GMEB2: variants seen among roughly 807,000 people sequenced by gnomAD.
GMEB2 encodes the protein glucocorticoid modulatory element-binding protein 2.
A neutral mutation model predicts 45.7 loss-of-function variants in GMEB2; 7 were observed. The observed-to-expected ratio is 0.15, with a 90% CI of 0.09 to 0.29. The LOEUF (loss-of-function observed/expected upper bound fraction) is 0.29. Among genes scored for constraint, GMEB2 ranks in the 10% least tolerant of loss-of-function variants. The probability of loss-of-function intolerance (pLI) is 1.00; values close to 1 mark genes in which losing one functional copy is unlikely to be tolerated. For missense variants in GMEB2, 582 were observed against 739.2 expected (o/e 0.79, Z 2.47); for synonymous variants, 322 against 323.6 (o/e 1.00, Z 0.05).
intron 2 of GMEB2, among the ~76,000 whole-genome samples, chr20:63,605,565 G>A (rs1346624283): frequency 4.0e-5 from 6 of 151,192 alleles, no homozygotes; most frequent in African/African-American, 7.3e-5. Flanking sequence ...AGGCTGCGCA[G>A]GTCTGAGCAC....
chr20:63,598,375 C>T (rs969199679), intron 4 of GMEB2, among the ~76,000 whole-genome samples: 11 of 151,704 alleles, frequency 7.3e-5, no homozygotes, highest in Non-Finnish European at 1.5e-4. Context: ...CACACACACT[C>T]ATCTGTTTCT....
intron 2 of GMEB2, among the ~76,000 whole-genome samples, chr20:63,614,160 C>G (rs2089590931): frequency 6.6e-6 from 1 of 152,068 alleles, no homozygotes; most frequent in Non-Finnish European, 1.5e-5. Flanking sequence ...AATAGTTATA[C>G]TAGATATAGA....
intron 4 of GMEB2, among the ~76,000 whole-genome samples, chr20:63,599,141 A>G (rs950786427): frequency 2.0e-5 from 3 of 151,978 alleles, no homozygotes; most frequent in Non-Finnish European, 4.4e-5. Flanking sequence ...CCCCAGAGCT[A>G]ACGCAGCCGC....
Position 63,589,555 on chromosome 20 carries a change from A to G in GMEB2, c.*534T>C, listed in dbSNP as rs1600999512. 1.5e-5 allele frequency: 3 copies of G among 205,982 alleles called. No homozygotes were observed. In the East Asian group the frequency reaches 3.1e-4, roughly 21 times the overall value. 12.8% of individuals were successfully genotyped at this position (205,982 alleles called of 1,614,324 possible). ...TGGAGGAGAACGGGGCGCCAGCCAC[A>G]CTAAACCTACAGAAAACTGTGGGAA... On this transcript the variant is annotated 3_prime_UTR_variant, in exon 10 of 10. Transcript: ENST00000370077.
intron 5 of GMEB2, among the ~76,000 whole-genome samples, chr20:63,596,243 G>A (rs758806871): frequency 6.6e-6 from 1 of 152,244 alleles, no homozygotes; most frequent in Non-Finnish European, 1.5e-5. Context: ...TGAGGGCGCA[G>A]GACAGCACCA....
Position 63,619,228 on chromosome 20 carries a change from G to GC in GMEB2, c.131+38dup, listed in dbSNP as rs533813025. 4.6e-5 allele frequency: 71 copies of GC among 1,538,026 alleles called. No homozygotes were observed. The South Asian group carries it at 7.8e-4, about 17-fold the overall frequency. ...CTGTGCCAAGGACAGCCCAACCCAAGCCCCCATCAGCCCCAATGGCACCGA... is the reference window on the plus strand; with the variant it reads ...CTGTGCCAAGGACAGCCCAACCCAAGCCCCCCATCAGCCCCAATGGCACCGA... On this transcript the variant is annotated intron_variant, in intron 2 of 9. Transcript: ENST00000370077. The surrounding 1 kb of genome is among the most constrained non-coding windows in gnomAD (Gnocchi z 4.6).
At chr20:63,620,311 GAC>G (rs1491422447) in intron 1 of GMEB2, among the ~76,000 whole-genome samples, 1 of 145,746 alleles carries the variant, frequency 6.9e-6, no homozygotes, top group East Asian at 2.6e-4. Flanking sequence ...AAAGCTTGGA[GAC>G]AGGGGAATCT....
intron 2 of GMEB2, among the ~76,000 whole-genome samples, chr20:63,617,068 G>A (rs927953611): frequency 1.3e-5 from 2 of 151,212 alleles, no homozygotes; most frequent in Admixed American, 1.3e-4. Context: ...TCCAACTCCT[G>A]GGCTCAGGTG....
chr20:63,603,212 A>G (rs2083254000), intron 3 of GMEB2, 120 bp from the exon 4 acceptor site: 17 of 1,170,088 alleles, frequency 1.5e-5, no homozygotes, highest in Non-Finnish European at 2.1e-5. Context: ...ATTAAAATCC[A>G]GGAAGGCCTG....
At position 63,590,231 on chromosome 20, in the gene GMEB2, C is replaced by T; in HGVS notation, c.1451G>A (p.Gly484Asp). ...CTGGGCCACGTTCTGCAGGGTGGGG[C>T]CCAGGCCAGGCAACGTGAGCAGCTG... ...PLQLLTLPGL[G>D]PTLQNVAQAS... Residue 484 changes from glycine to aspartate, a missense_variant, in exon 10 of 10, where the codon GGC becomes GAC. Gly to Asp is a moderately conservative substitution (Grantham distance 94). Transcript: ENST00000370077. The T allele has an allele frequency of 6.2e-7, 1 of 1,610,864 alleles. No individual in the cohort carries two copies. The highest frequency in any genetic ancestry group is 8.5e-7 in the Non-Finnish European group (1 of 1,179,654).
At chr20:63,620,207 G>A (rs1030874487) in intron 1 of GMEB2, among the ~76,000 whole-genome samples, 3 of 152,194 alleles carry the variant, frequency 2.0e-5, no homozygotes, top group African/African-American at 7.2e-5. Flanking sequence ...CCTGCCCCGG[G>A]TTTAAAAATT....
chr20:63,588,575 A>G lies in GMEB2; in HGVS notation c.*1514T>C, dbSNP rs1381640618. 5.3e-5 allele frequency: 21 copies of G among 397,530 alleles called. No homozygotes were observed. The highest frequency in any genetic ancestry group is 6.2e-4 in the Middle Eastern group (1 of 1,610). The allele number at this position is 397,530 out of a possible 1,614,324, so 24.6% of individuals were successfully genotyped here. ...CAAGACACAGCCTCAGTAGCTTGAC[A>G]TGGGTGAGGGCAGCCAGGACAGGGC... On this transcript the variant is annotated 3_prime_UTR_variant, in exon 10 of 10. Coordinates refer to ENST00000370077, the MANE Select transcript of GMEB2 (RefSeq NM_012384.5).
Position 63,592,876 on chromosome 20 carries a change from T to C in GMEB2, c.691+135A>G. 1.4e-6 allele frequency: 1 copy of C among 727,228 alleles called. No homozygotes were observed. Among genetic ancestry groups the C allele is most frequent in the East Asian group, 2.7e-5 (1 of 37,270 alleles). 45.0% of individuals were successfully genotyped at this position (727,228 alleles called of 1,614,324 possible). The stretch of plus-strand genomic sequence containing the variant: ...CTCAGAGCGCCCACGACAATGCTGC[T>C]GGAACCAGGCCTTTCTCCACAAAGA... On this transcript the variant is annotated intron_variant, in intron 7 of 9. Transcript: ENST00000370077. The surrounding 1 kb of genome is among the most constrained non-coding windows in gnomAD (Gnocchi z 8.2).
At chr20:63,622,866 G>A (rs2146096364) in intron 1 of GMEB2, among the ~76,000 whole-genome samples, 1 of 152,336 alleles carries the variant, frequency 6.6e-6, no homozygotes, top group Admixed American at 6.5e-5. Flanking sequence ...GGGGAGCTGG[G>A]TACCACCCGC....
chr20:63,600,265 G>A (rs550980792), intron 4 of GMEB2, among the ~76,000 whole-genome samples: 5 of 151,556 alleles, frequency 3.3e-5, no homozygotes, highest in African/African-American at 4.8e-5. Flanking sequence ...CGCTGGTCTC[G>A]AACTCCTGAC....
In GMEB2 at chr20:63,604,776, T is replaced by A; in HGVS notation, c.196A>T (p.Thr66Ser). 6.2e-7 allele frequency: 1 copy of A among 1,612,326 alleles called. No homozygotes were observed. The highest frequency in any genetic ancestry group is 8.5e-7 in the Non-Finnish European group (1 of 1,178,498). The change falls in exon 3 of 10, where the codon ACA becomes TCA. Residue 66 changes from threonine to serine, a missense_variant. Thr to Ser is a moderately conservative substitution (Grantham distance 58). Transcript: ENST00000370077. Reference sequence around the variant, plus strand: ...GCTTCCTTGAGCTGGGAGGAGGCTGTGAAGGCCGCGGCAGCTGCTGCCGCT... The same window carrying A: ...GCTTCCTTGAGCTGGGAGGAGGCTGAGAAGGCCGCGGCAGCTGCTGCCGCT... The part of the protein sequence containing the change: ...NAAAAAAAAF[T>S]ASSQLKEAVL...
intron 2 of GMEB2, among the ~76,000 whole-genome samples, chr20:63,616,858 T>A (rs1240939479): frequency 6.6e-6 from 1 of 152,104 alleles, no homozygotes; most frequent in East Asian, 1.9e-4. Flanking sequence ...CCCCGTAAAA[T>A]TCATATGTTG....
At position 63,588,859 on chromosome 20, in the gene GMEB2, G is replaced by A; in HGVS notation, c.*1230C>T. The A allele has an allele frequency of 2.5e-6, 1 of 398,624 alleles. No individual in the cohort carries two copies. The highest frequency in any genetic ancestry group is 2.1e-5 in the African/African-American group (1 of 48,716). The allele number at this position is 398,624 out of a possible 1,614,324, so 24.7% of individuals were successfully genotyped here. A position where few individuals can be genotyped will look rare whatever the true frequency, so the allele number is the denominator to read the frequency against. On this transcript the variant is annotated 3_prime_UTR_variant, in exon 10 of 10. Coordinates refer to ENST00000370077, the MANE Select transcript of GMEB2 (RefSeq NM_012384.5). ...ATGCCTGCCCCAGGACCCTGGCCTGGAGGGGCCTCAGCCTGGTCTTCCTTG... is the reference window on the plus strand; with the variant it reads ...ATGCCTGCCCCAGGACCCTGGCCTGAAGGGGCCTCAGCCTGGTCTTCCTTG...
chr20:63,602,374 A>C (rs2083248156), intron 4 of GMEB2, among the ~76,000 whole-genome samples: 1 of 152,184 alleles, frequency 6.6e-6, no homozygotes, highest in African/African-American at 2.4e-5. Flanking sequence ...GCACACCTCA[A>C]GGAAGCCCTG....
Sources: gnomAD v4.1 joint callset for allele counts (sites outside exome capture counted in the v4.1 genomes callset) on GRCh38, gnomAD v4.1.1 for gene constraint, Gnocchi (gnomAD v3.1) non-coding constraint, MANE v1.5 for transcripts, NCBI Gene and HGNC (gene_info 2026-07-23, HGNC 2026-07-21) for gene names.